FGD4: variants seen among roughly 807,000 people sequenced by gnomAD.
FGD4 encodes the protein FYVE, RhoGEF and PH domain-containing protein 4.
Under a neutral mutation model 102.0 loss-of-function variants are expected in FGD4, and 42 were observed. That is an observed-to-expected ratio of 0.41 (90% CI 0.32 to 0.53). The LOEUF (loss-of-function observed/expected upper bound fraction) is 0.53, where lower values mean the gene tolerates loss of function less well. Ranked by LOEUF, FGD4 falls within the 20% of genes least tolerant of loss-of-function variation. FGD4 has a pLI of 0.21. For missense variants in FGD4, 902 were observed against 1,078.2 expected, an observed-to-expected ratio of 0.84 and a Z score of 2.29; for synonymous variants, 380 against 375.7, an observed-to-expected ratio of 1.01 and a Z score of -0.13.
In FGD4 at chr12:32,642,566, C is replaced by CA. The variant is rs1454773163; in HGVS notation, c.*2034dup. The CA allele has an allele frequency of 6.6e-6, 1 of 152,076 alleles. No individual in the cohort carries two copies. Among genetic ancestry groups the CA allele is most frequent in the Non-Finnish European group, 1.5e-5 (1 of 67,948 alleles). The allele number at this position is 152,076 out of a possible 1,614,324, so 9.4% of individuals were successfully genotyped here. ...TACCAAAACAGAAGTAACATGGACA[C>CA]ACTTAAGTTTTGGCTCAATAAATAT... On this transcript the variant is annotated 3_prime_UTR_variant, in exon 17 of 17. Transcript: ENST00000534526.
At chr12:32,460,454 G>C (rs562767880) in intron 1 of FGD4, among the ~76,000 whole-genome samples, 9 of 151,418 alleles carry the variant, frequency 5.9e-5, no homozygotes, top group African/African-American at 2.2e-4. Context: ...GCAGTGAGCT[G>C]TGATCGTACC....
chr12:32,433,280 T>C (rs1312536688), intron 1 of FGD4, among the ~76,000 whole-genome samples: 2 of 152,018 alleles, frequency 1.3e-5, no homozygotes, highest in Non-Finnish European at 2.9e-5. Flanking sequence ...TGAGCCACCA[T>C]GCCCAGCCTG....
chr12:32,635,837 AC>A (rs1439933200), intron 15 of FGD4, among the ~76,000 whole-genome samples: 2 of 151,756 alleles, frequency 1.3e-5, no homozygotes, highest in African/African-American at 4.8e-5. Flanking sequence ...ACATGGTGAA[AC>A]CCCGTCTTTA....
chr12:32,553,192 C>T (rs1038701772), intron 1 of FGD4, among the ~76,000 whole-genome samples: 18 of 151,996 alleles, frequency 1.2e-4, no homozygotes, highest in African/African-American at 1.9e-4. Context: ...ACCTCTGGAG[C>T]CCAAATTTTT....
intron 1 of FGD4, among the ~76,000 whole-genome samples, chr12:32,479,705 G>T: frequency 6.7e-6 from 1 of 148,308 alleles, no homozygotes; most frequent in African/African-American, 2.5e-5. Flanking sequence ...AGTTATATTC[G>T]TTTACTATTT....
At chr12:32,403,003 T>C (rs749249154) in intron 1 of FGD4, among the ~76,000 whole-genome samples, 40 of 152,200 alleles carry the variant, frequency 2.6e-4, no homozygotes, top group Admixed American at 6.5e-4. Context: ...AGATTTAAGT[T>C]ACTGAAAAGT....
At chr12:32,521,990 A>T (rs1940599171) in intron 1 of FGD4, among the ~76,000 whole-genome samples, 1 of 152,250 alleles carries the variant, frequency 6.6e-6, no homozygotes, top group African/African-American at 2.4e-5. Context: ...AATAATTAGA[A>T]AATTCCAAGC....
intron 1 of FGD4, among the ~76,000 whole-genome samples, chr12:32,464,365 C>T (rs952308963): frequency 6.6e-6 from 1 of 151,766 alleles, no homozygotes; most frequent in Admixed American, 6.6e-5. Flanking sequence ...GTTGCCCAGG[C>T]TGGTCTCGAA....
intron 1 of FGD4, among the ~76,000 whole-genome samples, chr12:32,526,620 T>C (rs1032490309): frequency 2.6e-5 from 4 of 152,230 alleles, no homozygotes; most frequent in Non-Finnish European, 5.9e-5. Flanking sequence ...CGAGCCAGCA[T>C]TGGCAACCTG....
intron 1 of FGD4, among the ~76,000 whole-genome samples, chr12:32,426,292 G>A (rs1246613518): frequency 6.6e-5 from 10 of 151,964 alleles, no homozygotes; most frequent in African/African-American, 9.7e-5. Context: ...GAATTTTATC[G>A]AAGGCCTTTT....
At chr12:32,457,902 T>C (rs1358741958) in intron 1 of FGD4, among the ~76,000 whole-genome samples, 1 of 152,208 alleles carries the variant, frequency 6.6e-6, no homozygotes, top group Non-Finnish European at 1.5e-5. Context: ...TGTGGAGTTC[T>C]GCTACTGAAA....
At chr12:32,596,142 G>A (rs1226230997) in intron 4 of FGD4, among the ~76,000 whole-genome samples, 4 of 152,326 alleles carry the variant, frequency 2.6e-5, no homozygotes, top group African/African-American at 7.2e-5. Context: ...GAAAGGGAGG[G>A]TATTTCAGCA....
chr12:32,626,141 A>T (rs544389634), intron 14 of FGD4, among the ~76,000 whole-genome samples: 3 of 152,320 alleles, frequency 2.0e-5, no homozygotes, highest in Non-Finnish European at 2.9e-5. Flanking sequence ...ATTTAAGTTG[A>T]TGCTTAAAAG....
intron 14 of FGD4, 104 bp downstream of exon 14, chr12:32,625,883 A>G: frequency 6.6e-7 from 1 of 1,513,254 alleles, no homozygotes; most frequent in East Asian, 2.3e-5. Context: ...AAATCACTTA[A>G]TAAATTTATT....
intron 1 of FGD4, among the ~76,000 whole-genome samples, chr12:32,433,117 C>A (rs1377872226): frequency 1.3e-5 from 2 of 151,882 alleles, no homozygotes; most frequent in Non-Finnish European, 2.9e-5. Context: ...ATGCCTCAGC[C>A]TCCGAAAAAG....
rs1256193432 is a variant in FGD4, at chr12:32,611,166, T to C, written c.1632T>C (p.Tyr544=). ...MENLKKLLEI[Y]EMLGEEEDIV... The stretch of plus-strand genomic sequence containing the variant: ...ACCTAAAGAAACTCTTAGAGATTTA[T>C]GAAATGTTGGGAGAAGAAGAAGACA... The change falls in exon 10 of 17, where the codon TAT becomes TAC. Residue 544 remains tyrosine, a synonymous_variant. Coordinates refer to ENST00000534526, the MANE Select transcript of FGD4 (RefSeq NM_001370298.3). 1 of 1,614,050 alleles carries C rather than the reference T, an allele frequency of 6.2e-7. No individual in the cohort carries two copies. Among genetic ancestry groups the C allele is most frequent in the African/African-American group, 1.3e-5 (1 of 74,934 alleles).
chr12:32,514,046 A>AT (rs769319029), intron 1 of FGD4, among the ~76,000 whole-genome samples: 2 of 152,246 alleles, frequency 1.3e-5, no homozygotes, highest in African/African-American at 2.4e-5. Flanking sequence ...CTCTTCATAC[A>AT]TCACACTTCA....
At chr12:32,417,617 C>G (rs1438003882) in intron 1 of FGD4, among the ~76,000 whole-genome samples, 2 of 151,784 alleles carry the variant, frequency 1.3e-5, no homozygotes, top group Non-Finnish European at 2.9e-5. Flanking sequence ...GTCACCATGT[C>G]TGGCTAATTT....
In FGD4 at chr12:32,643,989, A is replaced by G. The variant is rs1181788658; in HGVS notation, c.*3456A>G. On this transcript the variant is annotated 3_prime_UTR_variant, in exon 17 of 17. Transcript: ENST00000534526. ...CACCAACCGGAGCAAGTAAACTTCTAGGGAACAAGCGTCTTGGGTTTTATA... is the reference window on the plus strand; with the variant it reads ...CACCAACCGGAGCAAGTAAACTTCTGGGGAACAAGCGTCTTGGGTTTTATA... The G allele has an allele frequency of 6.6e-6, 1 of 152,192 alleles. No homozygotes were observed. Among genetic ancestry groups the G allele is most frequent in the African/African-American group, 2.4e-5 (1 of 41,482 alleles). The allele number at this position is 152,192 out of a possible 1,614,324, so 9.4% of individuals were successfully genotyped here. A position where few individuals can be genotyped will look rare whatever the true frequency, so the allele number is the denominator to read the frequency against.
Sources: allele counts gnomAD v4.1 joint callset (sites outside exome capture counted in the v4.1 genomes callset), GRCh38; gene constraint gnomAD v4.1.1; transcripts MANE v1.5; gene names NCBI Gene and HGNC (gene_info 2026-07-23, HGNC 2026-07-21).